The following RNGTT variants were observed in gnomAD, a reference collection of about 807,000 sequenced individuals.
RNGTT encodes RNA guanylyltransferase and 5'-phosphatase.
RNGTT carries 33 observed loss-of-function variants against 79.3 expected under a neutral mutation model. That is an observed-to-expected ratio of 0.42 (90% confidence interval 0.32 to 0.56). The LOEUF (loss-of-function observed/expected upper bound fraction) is 0.56. RNGTT is among the 20% of genes least tolerant of loss of function. RNGTT has a pLI of 0.17. For missense variants in RNGTT, 497 were observed against 739.1 expected (o/e 0.67, Z 3.80); for synonymous variants, 222 against 235.9 (o/e 0.94, Z 0.54).
chr6:88,648,467 GTAT>G (rs1773662348), intron 14 of RNGTT, among the ~76,000 whole-genome samples: 3 of 144,286 alleles, frequency 2.1e-5, no homozygotes, highest in African/African-American at 8.2e-5. Context: ...AAAACTTAAA[GTAT>G]TATAATAATA....
intron 13 of RNGTT, among the ~76,000 whole-genome samples, chr6:88,712,393 A>G (rs962066299): frequency 1.8e-4 from 27 of 152,258 alleles, no homozygotes; most frequent in Middle Eastern, 6.8e-3. Context: ...GCAGCTTTGA[A>G]TTCCTGGACT....
intron 6 of RNGTT, among the ~76,000 whole-genome samples, chr6:88,899,627 A>G (rs1783378093): frequency 6.6e-6 from 1 of 152,180 alleles, no homozygotes; most frequent in African/African-American, 2.4e-5. Context: ...ACAATGTTAA[A>G]GAATTCATTT....
At chr6:88,878,417 C>T (rs368196756) in intron 8 of RNGTT, among the ~76,000 whole-genome samples, 21 of 152,110 alleles carry the variant, frequency 1.4e-4, no homozygotes, top group African/African-American at 4.8e-4. Context: ...TATAAAAGCC[C>T]AAGTACTAGA....
intron 14 of RNGTT, among the ~76,000 whole-genome samples, chr6:88,669,915 T>C (rs969685170): frequency 6.6e-6 from 1 of 152,230 alleles, no homozygotes; most frequent in Non-Finnish European, 1.5e-5. Context: ...ACAAGATGGT[T>C]CGTGGGGATA....
At chr6:88,728,550 A>G (rs7751906) in intron 13 of RNGTT, among the ~76,000 whole-genome samples, 30,338 of 152,168 alleles carry the variant, frequency 0.2, 3,815 homozygotes, top group African/African-American at 0.34. Context: ...AGGGACAGCT[A>G]TCCCCCAACT....
At chr6:88,694,254 A>G (rs140979325) in intron 13 of RNGTT, among the ~76,000 whole-genome samples, 9 of 152,326 alleles carry the variant, frequency 5.9e-5, no homozygotes, top group African/African-American at 2.2e-4. Flanking sequence ...AAACAAATAC[A>G]GTCAAGTTGT....
At chr6:88,800,003 C>T (rs1779731378) in intron 12 of RNGTT, among the ~76,000 whole-genome samples, 1 of 152,152 alleles carries the variant, frequency 6.6e-6, no homozygotes, top group South Asian at 2.1e-4. Flanking sequence ...ACCTCTAGTG[C>T]TCCTCCATGT....
intron 1 of RNGTT, among the ~76,000 whole-genome samples, chr6:88,950,152 T>C (rs556645035): frequency 6.6e-6 from 1 of 152,340 alleles, no homozygotes; most frequent in African/African-American, 2.4e-5. Flanking sequence ...CAGAATGTTT[T>C]ACTGAATTTT....
At chr6:88,814,022 G>C (rs1407173247) in intron 11 of RNGTT, among the ~76,000 whole-genome samples, 2 of 152,028 alleles carry the variant, frequency 1.3e-5, no homozygotes, top group Non-Finnish European at 2.9e-5. Context: ...AGCTGGTAAG[G>C]CTAGGTTATA....
chr6:88,906,722 A>G (rs1250323616), intron 4 of RNGTT, among the ~76,000 whole-genome samples: 1 of 152,204 alleles, frequency 6.6e-6, no homozygotes, highest in East Asian at 1.9e-4. Flanking sequence ...GAAGATTCCA[A>G]GCATTTTAAA....
intron 1 of RNGTT, among the ~76,000 whole-genome samples, chr6:88,944,942 C>T (rs761935483): frequency 6.6e-6 from 1 of 152,190 alleles, no homozygotes; most frequent in Non-Finnish European, 1.5e-5. Flanking sequence ...TCCCCTCTTG[C>T]TTCCAGTAAA....
intron 14 of RNGTT, among the ~76,000 whole-genome samples, chr6:88,632,914 C>T (rs769988923): frequency 2.0e-4 from 31 of 152,288 alleles, no homozygotes; most frequent in Non-Finnish European, 3.5e-4. Flanking sequence ...ACCTTCCTTT[C>T]CCACATATTG....
At position 88,815,799 on chromosome 6, in the gene RNGTT, T is replaced by C. The variant is rs374095901; in HGVS notation, c.1270-14167A>G. On this transcript the variant is annotated intron_variant, in intron 11 of 15. Transcript: ENST00000369485. Reference sequence around the variant, plus strand: ...ACCTTTAGCTTCACTTTAATAGACATTGATGTCTCCGGATGAGGACAACCC... The same window carrying C: ...ACCTTTAGCTTCACTTTAATAGACACTGATGTCTCCGGATGAGGACAACCC... 1.1e-3 allele frequency among the ~76,000 whole-genome samples: 174 copies of C among 152,316 alleles called. 3 individuals carry two copies. In the South Asian group the frequency reaches 0.03, roughly 26 times the overall value.
At chr6:88,792,956 C>A (rs1414549256) in intron 12 of RNGTT, among the ~76,000 whole-genome samples, 2 of 152,012 alleles carry the variant, frequency 1.3e-5, no homozygotes, top group Non-Finnish European at 2.9e-5. Context: ...ACTTAGAATA[C>A]CCTTTAGAAT....
intron 14 of RNGTT, among the ~76,000 whole-genome samples, chr6:88,672,055 G>C (rs1406519313): frequency 6.6e-6 from 1 of 152,012 alleles, no homozygotes; most frequent in African/African-American, 2.4e-5. Flanking sequence ...GGTTTAGGTA[G>C]AGTTCATGAC....
intron 14 of RNGTT, among the ~76,000 whole-genome samples, chr6:88,618,215 G>A (rs1433027032): frequency 6.6e-6 from 1 of 152,066 alleles, no homozygotes; most frequent in Non-Finnish European, 1.5e-5. Context: ...TAACCTAAAC[G>A]TATTTCCGTA....
At chr6:88,755,138 C>G (rs1360729379) in intron 13 of RNGTT, among the ~76,000 whole-genome samples, 1 of 152,052 alleles carries the variant, frequency 6.6e-6, no homozygotes, top group Admixed American at 6.5e-5. Flanking sequence ...AATTCTATAT[C>G]CAGGTAAGAC....
intron 12 of RNGTT, among the ~76,000 whole-genome samples, chr6:88,794,860 C>T (rs1271637472): frequency 6.6e-6 from 1 of 152,128 alleles, no homozygotes; most frequent in Non-Finnish European, 1.5e-5. Flanking sequence ...AATCAATCTC[C>T]CACAAATCCT....
Position 88,612,483 on chromosome 6 carries a change from G to C in RNGTT, c.*236C>G. On this transcript the variant is annotated 3_prime_UTR_variant, in exon 16 of 16. Transcript: ENST00000369485. Reference sequence around the variant, plus strand: ...TCAATCTTCAGATTCCACAAGGTAAGGCTGAGTTTATCAGATAAATAAGAT... The same window carrying C: ...TCAATCTTCAGATTCCACAAGGTAACGCTGAGTTTATCAGATAAATAAGAT... The C allele has an allele frequency of 2.4e-6, 1 of 412,202 alleles. No individual in the cohort carries two copies. The highest frequency in any genetic ancestry group is 4.4e-6 in the Non-Finnish European group (1 of 229,618). The allele number at this position is 412,202 out of a possible 1,614,324, so 25.5% of individuals were successfully genotyped here.
Sources: allele counts gnomAD v4.1 joint callset (sites outside exome capture counted in the v4.1 genomes callset), GRCh38; gene constraint gnomAD v4.1.1; transcripts MANE v1.5; gene names NCBI Gene and HGNC (gene_info 2026-07-23, HGNC 2026-07-21).